Variants in SSH1 observed in about 807,000 individuals in gnomAD.
The protein encoded by SSH1 is slingshot protein phosphatase 1.
A neutral mutation model predicts 79.7 loss-of-function variants in SSH1; 43 were observed. The ratio of observed to expected loss-of-function variants is 0.54; its 90% confidence interval spans 0.42 to 0.70. SSH1 has a LOEUF of 0.70. Ranked by LOEUF, SSH1 falls within the 30% of genes least tolerant of loss-of-function variation. SSH1 has a pLI of 0.00. For missense variants in SSH1, 1,206 were observed against 1,358.8 expected (o/e 0.89, Z 1.77); for synonymous variants, 599 against 538.3 (o/e 1.11, Z -1.56).
intron 2 of SSH1, among the ~76,000 whole-genome samples, chr12:108,824,558 C>T (rs2038243485): frequency 6.6e-6 from 1 of 152,090 alleles, no homozygotes; most frequent in South Asian, 2.1e-4. Context: ...TGAGGAAAAC[C>T]TCAAGTTGGC....
chr12:108,789,456 T>C (rs2036412092), intron 14 of SSH1, among the ~76,000 whole-genome samples: 1 of 152,112 alleles, frequency 6.6e-6, no homozygotes, highest in African/African-American at 2.4e-5. Context: ...TATACCCCAA[T>C]AGAAAACAAG....
intron 1 of SSH1, among the ~76,000 whole-genome samples, chr12:108,854,726 G>T (rs1387675524): frequency 6.6e-6 from 1 of 152,200 alleles, no homozygotes; most frequent in Non-Finnish European, 1.5e-5. Context: ...TCTCAGGTCA[G>T]TTATTCCAGG....
chr12:108,845,701 A>G (rs2038885042), intron 2 of SSH1, among the ~76,000 whole-genome samples: 1 of 152,224 alleles, frequency 6.6e-6, no homozygotes, highest in African/African-American at 2.4e-5. Flanking sequence ...TTTAAACAAA[A>G]TAAACATATA....
intron 2 of SSH1, among the ~76,000 whole-genome samples, chr12:108,835,523 G>C (rs2038581176): frequency 6.6e-6 from 1 of 152,238 alleles, no homozygotes; most frequent in African/African-American, 2.4e-5. Context: ...CCGGGAAGCA[G>C]GAAGGGGAAG....
At chr12:108,843,399 C>T (rs1236306568) in intron 2 of SSH1, among the ~76,000 whole-genome samples, 2 of 152,168 alleles carry the variant, frequency 1.3e-5, no homozygotes, top group Non-Finnish European at 2.9e-5. Flanking sequence ...GGCAGGAGGT[C>T]AGGCAGCCCT....
In SSH1 at chr12:108,818,436, A is replaced by T. The variant is rs2037988814; in HGVS notation, c.215-123T>A. ...GAGAAGTTAAAATTTGTCTACCTAC[A>T]CCACAGGAGAATCACCACAAAAACT... On this transcript the variant is annotated intron_variant, in intron 3 of 14. Transcript: ENST00000326495. 28 of 796,648 alleles carry T rather than the reference A, an allele frequency of 3.5e-5. No homozygotes were observed. The South Asian group carries it at 3.8e-4, about 11-fold the overall frequency. 49.3% of individuals were successfully genotyped at this position (796,648 alleles called of 1,614,324 possible). A position where few individuals can be genotyped will look rare whatever the true frequency, so the allele number is the denominator to read the frequency against.
At chr12:108,824,118 A>G (rs1304129268) in intron 2 of SSH1, among the ~76,000 whole-genome samples, 1 of 152,234 alleles carries the variant, frequency 6.6e-6, no homozygotes, top group Non-Finnish European at 1.5e-5. Context: ...GGAATACAAG[A>G]TGAAATTACA....
Position 108,811,247 on chromosome 12 carries a change from G to A in SSH1, c.470+13C>T. The A allele has an allele frequency of 6.2e-7, 1 of 1,613,722 alleles. No individual in the cohort carries two copies. The highest frequency in any genetic ancestry group is 8.5e-7 in the Non-Finnish European group (1 of 1,179,574). On this transcript the variant is annotated intron_variant, in intron 6 of 14. Coordinates refer to ENST00000326495, the MANE Select transcript of SSH1 (RefSeq NM_018984.4). ...ACATACAGTGAGAGAATCTTTTAAA[G>A]AGACCTCCTTACCCATCTCCATCAA... is the stretch of plus-strand genomic sequence containing the variant.
intron 2 of SSH1, among the ~76,000 whole-genome samples, chr12:108,851,306 C>T (rs139486088): frequency 1.8e-4 from 28 of 152,258 alleles, no homozygotes; most frequent in African/African-American, 4.3e-4. Context: ...ACAGAAACAT[C>T]GGAGAAAAGC....
At position 108,807,485 on chromosome 12, in the gene SSH1, G is replaced by A. The variant is rs549275441; in HGVS notation, c.731+148C>T. On this transcript the variant is annotated intron_variant, in intron 8 of 14. Transcript: ENST00000326495. The surrounding 1 kb of genome is among the most constrained non-coding windows in gnomAD (Gnocchi z 5.2). ...TGTGTCACAGACCCCTGCTTTAAAC[G>A]CTGGTTCTGAGAAAGCTAGGGTTCT... is the stretch of plus-strand genomic sequence containing the variant. 2.4e-3 allele frequency: 1,598 copies of A among 676,096 alleles called. 14 individuals are homozygous for A. The highest frequency in any genetic ancestry group is 1.9e-3 in the Non-Finnish European group (730 of 391,556). 41.9% of individuals were successfully genotyped at this position (676,096 alleles called of 1,614,324 possible).
chr12:108,798,903 TG>T, intron 13 of SSH1, 96 bp downstream of exon 13: 1 of 1,435,296 alleles, frequency 7.0e-7, no homozygotes, highest in Non-Finnish European at 9.7e-7. Flanking sequence ...CTGGGCCGAA[TG>T]GGAGCATGCT....
At chr12:108,822,558 C>G (rs947808046) in intron 3 of SSH1, among the ~76,000 whole-genome samples, 1 of 152,136 alleles carries the variant, frequency 6.6e-6, no homozygotes, top group Non-Finnish European at 1.5e-5. Flanking sequence ...GCGATCCTCC[C>G]AACTCAGCCT....
chr12:108,829,118 A>T (rs2038408658), intron 2 of SSH1, among the ~76,000 whole-genome samples: 1 of 152,140 alleles, frequency 6.6e-6, no homozygotes, highest in Non-Finnish European at 1.5e-5. Flanking sequence ...ATTTGAGGTC[A>T]GGAGTTCGAG....
chr12:108,853,625 C>A (rs1401134573), intron 1 of SSH1, among the ~76,000 whole-genome samples: 1 of 151,998 alleles, frequency 6.6e-6, no homozygotes, highest in Non-Finnish European at 1.5e-5. Context: ...GCAACTTCAA[C>A]CAAGAATGAG....
chr12:108,828,889 C>T lies in SSH1; in HGVS notation c.111-5528G>A, dbSNP rs112931455. Among the ~76,000 whole-genome samples, 17 of 152,300 alleles carry T rather than the reference C, an allele frequency of 1.1e-4. 1 individual carries two copies. The highest frequency in any genetic ancestry group is 3.9e-4 in the African/African-American group (16 of 41,552). ...CAAGGCTGTAGGAGGTACTTAGCTA[C>T]GCCACGTCATTGAACTCTGGCAGTT... On this transcript the variant is annotated intron_variant, in intron 2 of 14. Coordinates refer to ENST00000326495, the MANE Select transcript of SSH1 (RefSeq NM_018984.4).
rs1565969689 is a variant in SSH1 at position 108,792,355 on chromosome 12, G to A, written c.1824C>T (p.Leu608=). 9 of 1,614,108 alleles carry A rather than the reference G, an allele frequency of 5.6e-6. No homozygotes were observed. The highest frequency in any genetic ancestry group is 6.8e-6 in the Non-Finnish European group (8 of 1,180,016). ...TCTCCGAGTTGAGCAGGTTTTGATC[G>A]AGCTGGGTTGGAAGCTGCCCCCACC... The part of the protein sequence containing the change: ...AGRWGQLPTQ[L]DQNLLNSENL... The change falls in exon 14 of 15, where the codon CTC becomes CTT. Residue 608 remains leucine, a synonymous_variant. Transcript: ENST00000326495.
At chr12:108,797,553 C>T (rs374473612) in intron 13 of SSH1, among the ~76,000 whole-genome samples, 1 of 152,204 alleles carries the variant, frequency 6.6e-6, no homozygotes, top group African/African-American at 2.4e-5. Context: ...ACTCCACCCC[C>T]ATCCTGTGCC....
In SSH1 at chr12:108,779,655, A is replaced by AC. The variant is rs1198990142; in HGVS notation, c.*8332dup. On this transcript the variant is annotated 3_prime_UTR_variant, in exon 15 of 15. Transcript: ENST00000326495. Reference sequence around the variant, plus strand: ...AGAGTTCAAGAAAGTTAGAAAAAGGACTCTCCTCTACCTTTTTTTTTCTTT... The same window carrying AC: ...AGAGTTCAAGAAAGTTAGAAAAAGGACCTCTCCTCTACCTTTTTTTTTCTTT... The AC allele has an allele frequency of 6.6e-6, 1 of 151,276 alleles. No homozygotes were observed. Among genetic ancestry groups the AC allele is most frequent in the Non-Finnish European group, 1.5e-5 (1 of 67,838 alleles). The allele number at this position is 151,276 out of a possible 1,614,324, so 9.4% of individuals were successfully genotyped here.
rs1204973327 is a variant in SSH1, at chr12:108,782,304, G to A, written c.*5684C>T. On this transcript the variant is annotated 3_prime_UTR_variant, in exon 15 of 15. Transcript: ENST00000326495. The stretch of plus-strand genomic sequence containing the variant: ...TCCAGGGTCCTCCCTCTCCCACCAG[G>A]GCTGGTGGGAGCAGGTTAGATGTTC... The A allele has an allele frequency of 1.3e-5, 2 of 151,986 alleles. No individual in the cohort carries two copies. The highest frequency in any genetic ancestry group is 1.5e-5 in the Non-Finnish European group (1 of 68,002). 9.4% of individuals were successfully genotyped at this position (151,986 alleles called of 1,614,324 possible).
Sources: gnomAD v4.1 joint callset for allele counts (sites outside exome capture counted in the v4.1 genomes callset) on GRCh38, gnomAD v4.1.1 for gene constraint, Gnocchi (gnomAD v3.1) non-coding constraint, MANE v1.5 for transcripts, NCBI Gene and HGNC (gene_info 2026-07-23, HGNC 2026-07-21) for gene names.